Variants in RANBP2 observed in about 807,000 individuals in gnomAD.
RANBP2 encodes the protein E3 SUMO-protein ligase RanBP2.
Under a neutral mutation model 303.6 loss-of-function variants are expected in RANBP2, and 57 were observed. That is an observed-to-expected ratio of 0.19 (90% CI 0.15 to 0.23). The LOEUF (loss-of-function observed/expected upper bound fraction) is 0.23. RANBP2 is among the 10% of genes least tolerant of loss of function. The probability of loss-of-function intolerance (pLI) is 1.00; values close to 1 mark genes in which losing one functional copy is unlikely to be tolerated. For missense variants in RANBP2, 3,138 were observed against 3,780.8 expected (o/e 0.83, Z 4.46); for synonymous variants, 1,167 against 1,301.5 (o/e 0.90, Z 2.23).
the RANBP2 span, among the ~76,000 whole-genome samples, chr2:108,875,159 A>G: frequency 0.017 from 2,548 of 151,856 alleles, 73 homozygotes; most frequent in African/African-American, 0.057. Flanking sequence ...TATTAGGACA[A>G]ACTCTCTCAA....
At chr2:109,402,117 C>T in the RANBP2 span, among the ~76,000 whole-genome samples, 2 of 152,224 alleles carry the variant, frequency 1.3e-5, no homozygotes, top group Admixed American at 6.5e-5. Flanking sequence ...GCTGCCCCTG[C>T]GGGCTCCAGT....
At chr2:108,886,604 G>A in the RANBP2 span, among the ~76,000 whole-genome samples, 5 of 151,788 alleles carry the variant, frequency 3.3e-5, no homozygotes, top group East Asian at 5.8e-4. Flanking sequence ...TAATAGAGAC[G>A]GCTTTCACTG....
the RANBP2 span, among the ~76,000 whole-genome samples, chr2:109,538,947 A>G: frequency 6.6e-6 from 1 of 152,198 alleles, no homozygotes; most frequent in Non-Finnish European, 1.5e-5. Flanking sequence ...TTGCAGTGAT[A>G]ATACTTTTTT....
chr2:109,110,146 T>C, the RANBP2 span, among the ~76,000 whole-genome samples: 1 of 152,218 alleles, frequency 6.6e-6, no homozygotes, highest in South Asian at 2.1e-4. Context: ...CAGGCATTTT[T>C]GTGCAATGGC....
the RANBP2 span, among the ~76,000 whole-genome samples, chr2:109,227,122 C>T: frequency 2.0e-5 from 3 of 152,138 alleles, no homozygotes; most frequent in East Asian, 1.9e-4. Context: ...GCAGAACTCA[C>T]GAGATTCACT....
At chr2:109,548,954 A>C in the RANBP2 span, among the ~76,000 whole-genome samples, 1 of 152,194 alleles carries the variant, frequency 6.6e-6, no homozygotes, top group South Asian at 2.1e-4. Context: ...AAGTATTCCA[A>C]GGGAAACAAG....
chr2:109,307,445 T>C, the RANBP2 span, among the ~76,000 whole-genome samples: 2 of 151,486 alleles, frequency 1.3e-5, no homozygotes, highest in African/African-American at 2.4e-5. Flanking sequence ...TATTATACTT[T>C]AAGTTTTAGG....
chr2:109,341,691 A>G, the RANBP2 span, among the ~76,000 whole-genome samples: 3 of 152,094 alleles, frequency 2.0e-5, no homozygotes, highest in African/African-American at 4.8e-5. Flanking sequence ...TGGGCATAAT[A>G]TTTGATGGAA....
the RANBP2 span, among the ~76,000 whole-genome samples, chr2:109,519,108 G>T: frequency 4.0e-5 from 6 of 151,598 alleles, no homozygotes; most frequent in Admixed American, 3.3e-4. Flanking sequence ...TAGTAGAGAC[G>T]GGGTTTCACC....
chr2:109,411,236 G>T, the RANBP2 span, among the ~76,000 whole-genome samples: 11 of 152,210 alleles, frequency 7.2e-5, no homozygotes, highest in Admixed American at 5.9e-4. Context: ...CAGGCAGTGC[G>T]CAGCTCAGGC....
the RANBP2 span, among the ~76,000 whole-genome samples, chr2:109,445,950 C>T: frequency 0.015 from 2,294 of 152,126 alleles, 61 homozygotes; most frequent in African/African-American, 0.053. Flanking sequence ...GAAGCTGCAG[C>T]GGGACTGAAA....
chr2:109,520,072 C>T, the RANBP2 span, among the ~76,000 whole-genome samples: 1 of 152,160 alleles, frequency 6.6e-6, no homozygotes, highest in African/African-American at 2.4e-5. Flanking sequence ...TGAGCAAGGC[C>T]AATGGATCGT....
the RANBP2 span, among the ~76,000 whole-genome samples, chr2:109,684,699 ACTT>A: frequency 1.4e-5 from 2 of 147,160 alleles, no homozygotes; most frequent in African/African-American, 5.1e-5. Flanking sequence ...ACACCTGGCT[ACTT>A]CTTGTATTTT....
At chr2:109,088,536 A>C in the RANBP2 span, among the ~76,000 whole-genome samples, 74 of 152,168 alleles carry the variant, frequency 4.9e-4, no homozygotes, top group African/African-American at 1.7e-3. Flanking sequence ...TTTTTGAGAC[A>C]AAGTTTCACT....
chr2:109,452,142 G>T, the RANBP2 span, among the ~76,000 whole-genome samples: 1 of 152,176 alleles, frequency 6.6e-6, no homozygotes, highest in Non-Finnish European at 1.5e-5. Context: ...ATTTACAGCT[G>T]CCATTTGCAG....
At chr2:109,635,644 C>G in the RANBP2 span, among the ~76,000 whole-genome samples, 1 of 152,162 alleles carries the variant, frequency 6.6e-6, no homozygotes, top group African/African-American at 2.4e-5. Flanking sequence ...TTGTCTGACC[C>G]TACCTCGTCT....
the RANBP2 span, among the ~76,000 whole-genome samples, chr2:109,217,855 C>T: frequency 6.6e-6 from 1 of 152,216 alleles, no homozygotes; most frequent in African/African-American, 2.4e-5. Context: ...GAGCCCCCAT[C>T]TCCCCCATAC....
At chr2:109,369,181 T>TAA in the RANBP2 span, among the ~76,000 whole-genome samples, 41 of 138,260 alleles carry the variant, frequency 3.0e-4, 1 homozygote, top group Admixed American at 2.3e-3. Flanking sequence ...CGTCTCTTCT[T>TAA]AAAAAAAAAA....
At chr2:108,995,210 G>C in the RANBP2 span, among the ~76,000 whole-genome samples, 4 of 152,050 alleles carry the variant, frequency 2.6e-5, no homozygotes, top group African/African-American at 9.7e-5. Context: ...ACCTGTGCTG[G>C]AGTGAAGTAG....
Sources: allele counts gnomAD v4.1 joint callset (sites outside exome capture counted in the v4.1 genomes callset), GRCh38; gene constraint gnomAD v4.1.1; transcripts MANE v1.5; gene names NCBI Gene and HGNC (gene_info 2026-07-23, HGNC 2026-07-21).